Variants in FAT3 observed in about 807,000 individuals in gnomAD.
FAT3 encodes FAT atypical cadherin 3.
FAT3 carries 95 observed loss-of-function variants against 310.2 expected under a neutral mutation model. The ratio of observed to expected loss-of-function variants is 0.31; its 90% CI spans 0.26 to 0.36. The LOEUF (loss-of-function observed/expected upper bound fraction) is 0.36. Ranked by LOEUF, FAT3 falls within the 10% of genes least tolerant of loss-of-function variation. The probability of loss-of-function intolerance (pLI) is 1.00; values close to 1 mark genes in which losing one functional copy is unlikely to be tolerated. For missense variants in FAT3, 5,408 were observed against 5,715.6 expected, an observed-to-expected ratio of 0.95 and a Z score of 1.74; for synonymous variants, 2,314 against 2,192.9, an observed-to-expected ratio of 1.06 and a Z score of -1.54.
At chr11:92,513,218 A>C (rs1953366971) in intron 2 of FAT3, among the ~76,000 whole-genome samples, 1 of 151,046 alleles carries the variant, frequency 6.6e-6, no homozygotes, top group Non-Finnish European at 1.5e-5. Flanking sequence ...TATATTTCAG[A>C]CTGACAGCAA....
intron 2 of FAT3, among the ~76,000 whole-genome samples, chr11:92,499,399 G>A (rs950456597): frequency 2.0e-5 from 3 of 152,058 alleles, no homozygotes; most frequent in African/African-American, 4.8e-5. Flanking sequence ...ACTATTTAAA[G>A]ATTAATTAAA....
At chr11:92,464,930 C>G (rs890284766) in intron 2 of FAT3, among the ~76,000 whole-genome samples, 1 of 152,164 alleles carries the variant, frequency 6.6e-6, no homozygotes, top group African/African-American at 2.4e-5. Flanking sequence ...ATTTGATAAG[C>G]TTTGTCATCT....
intron 15 of FAT3, among the ~76,000 whole-genome samples, chr11:92,836,304 G>A (rs1948406454): frequency 6.6e-6 from 1 of 152,076 alleles, no homozygotes; most frequent in Admixed American, 6.5e-5. Flanking sequence ...AAACCCTGAG[G>A]AAAATCAGGC....
At chr11:92,815,156 A>G (rs1391873963) in intron 13 of FAT3, among the ~76,000 whole-genome samples, 1 of 152,196 alleles carries the variant, frequency 6.6e-6, no homozygotes, top group Non-Finnish European at 1.5e-5. Context: ...GGGGGATGCT[A>G]ATCTGATAGG....
chr11:92,801,495 C>T lies in FAT3; in HGVS notation c.8482C>T (p.Pro2828Ser). ...TGACACCATTATAATGGAAGGGATG[C>T]CTGTTGGCACCAAACTCACACAAGT... ...SYDTIIMEGMPVGTKLTQVRA... is the reference protein window; with the variant it reads ...SYDTIIMEGMSVGTKLTQVRA... Residue 2828 changes from proline (P) to serine (S), a missense_variant, in exon 10 of 28, where the codon CCT becomes TCT. This residue lies in a region of FAT3 where 4,588 missense variants were observed against 4,809.8 expected (regional missense o/e 0.95). Coordinates refer to ENST00000525166, the MANE Select transcript of FAT3 (RefSeq NM_001367949.2). The T allele has an allele frequency of 6.2e-7, 1 of 1,612,344 alleles. No individual in the cohort carries two copies.
At chr11:92,810,228 A>G (rs1392052667) in intron 13 of FAT3, among the ~76,000 whole-genome samples, 152 bp downstream of exon 13, 1 of 152,216 alleles carries the variant, frequency 6.6e-6, no homozygotes, top group African/African-American at 2.4e-5. Flanking sequence ...TATTCAGCTA[A>G]TACACTTCAT....
At chr11:92,749,710 G>A (rs558918425) in intron 4 of FAT3, among the ~76,000 whole-genome samples, 5 of 152,282 alleles carry the variant, frequency 3.3e-5, no homozygotes, top group African/African-American at 7.2e-5. Flanking sequence ...AGTAGAGACA[G>A]CCAAGCACAC....
chr11:92,611,681 A>G (rs1380253809), intron 3 of FAT3, among the ~76,000 whole-genome samples: 1 of 152,168 alleles, frequency 6.6e-6, no homozygotes, highest in Non-Finnish European at 1.5e-5. Flanking sequence ...GGCATGAACC[A>G]CTGTACCCTG....
At chr11:92,334,047 AT>A (rs1375132040) in intron 1 of FAT3, among the ~76,000 whole-genome samples, 1 of 152,214 alleles carries the variant, frequency 6.6e-6, no homozygotes, top group Non-Finnish European at 1.5e-5. Flanking sequence ...ATGTCTTCTC[AT>A]TTAAAGTGAG....
At chr11:92,557,773 T>G (rs1333687075) in intron 3 of FAT3, among the ~76,000 whole-genome samples, 1 of 152,222 alleles carries the variant, frequency 6.6e-6, no homozygotes, top group Non-Finnish European at 1.5e-5. Flanking sequence ...AATGAAATCC[T>G]GTGATGTCTT....
At chr11:92,344,433 G>A (rs1049974279) in intron 1 of FAT3, among the ~76,000 whole-genome samples, 2 of 152,036 alleles carry the variant, frequency 1.3e-5, no homozygotes, top group Non-Finnish European at 2.9e-5. Flanking sequence ...CACCAATCCT[G>A]GTATTGCAGT....
At chr11:92,465,430 A>G (rs911784018) in intron 2 of FAT3, among the ~76,000 whole-genome samples, 1 of 152,124 alleles carries the variant, frequency 6.6e-6, no homozygotes, top group African/African-American at 2.4e-5. Context: ...CAACAGTGTA[A>G]AAGTGTTCCT....
intron 3 of FAT3, among the ~76,000 whole-genome samples, chr11:92,568,956 G>A: frequency 6.6e-6 from 1 of 152,046 alleles, no homozygotes; most frequent in Non-Finnish European, 1.5e-5. Flanking sequence ...CTGTAAACTG[G>A]TAACACAAAC....
rs529674949 is a variant in FAT3, at chr11:92,702,549, T to C, written c.3669+5104T>C. Among the ~76,000 whole-genome samples, 3 of 152,276 alleles carry C rather than the reference T, an allele frequency of 2.0e-5. No homozygotes were observed. In the East Asian group the frequency reaches 5.8e-4, roughly 29 times the overall value. The stretch of plus-strand genomic sequence containing the variant: ...GGCACACAGAGATGCTGGTAACCTA[T>C]TGCTTGCCCTTTCCCTCTTTTCCAT... On this transcript the variant is annotated intron_variant, in intron 4 of 27. Coordinates refer to ENST00000525166, the MANE Select transcript of FAT3 (RefSeq NM_001367949.2).
chr11:92,843,237 A>G (rs1037459784), intron 18 of FAT3, among the ~76,000 whole-genome samples: 1 of 152,100 alleles, frequency 6.6e-6, no homozygotes, highest in Admixed American at 6.5e-5. Context: ...CTGCAGCTCC[A>G]CATCTTCAGA....
At chr11:92,435,094 C>G (rs755083948) in intron 2 of FAT3, among the ~76,000 whole-genome samples, 1 of 152,106 alleles carries the variant, frequency 6.6e-6, no homozygotes, top group Non-Finnish European at 1.5e-5. Context: ...TATATCCTCC[C>G]CCTTAATGAC....
chr11:92,879,725 TAAA>T (rs144768006), intron 22 of FAT3, among the ~76,000 whole-genome samples: 1 of 151,238 alleles, frequency 6.6e-6, no homozygotes, highest in East Asian at 1.9e-4. Flanking sequence ...AGGTTTGAAA[TAAA>T]AAAAAGCATA....
chr11:92,750,836 A>G (rs1417670100), intron 4 of FAT3, among the ~76,000 whole-genome samples: 2 of 152,228 alleles, frequency 1.3e-5, no homozygotes, highest in Non-Finnish European at 2.9e-5. Flanking sequence ...GTATGAATGT[A>G]AAAATACGTG....
chr11:92,799,722 A>G lies in FAT3; in HGVS notation c.6709A>G (p.Thr2237Ala), dbSNP rs1947280173. Residue 2237 changes from threonine (T) to alanine (A), a missense_variant, in exon 10 of 28, where the codon ACT becomes GCT. Thr to Ala is a moderately conservative substitution (Grantham distance 58). This residue lies in a region of FAT3 where 4,588 missense variants were observed against 4,809.8 expected (regional missense o/e 0.95). Transcript: ENST00000525166. ...PFKQFNIDFD[T>A]GVLKVVSPLD... The stretch of plus-strand genomic sequence containing the variant: ...TAAACAGTTTAACATTGACTTTGAC[A>G]CTGGGGTCCTGAAAGTTGTTAGCCC... 3.7e-6 allele frequency: 6 copies of G among 1,613,046 alleles called. No homozygotes were observed. The African/African-American group carries it at 5.3e-5, about 14-fold the overall frequency.
Sources: allele counts gnomAD v4.1 joint callset (sites outside exome capture counted in the v4.1 genomes callset), GRCh38; gene constraint gnomAD v4.1.1; regional missense constraint gnomAD v4.1.1; transcripts MANE v1.5; gene names NCBI Gene and HGNC (gene_info 2026-07-23, HGNC 2026-07-21).